The following HBS1L variants were observed in gnomAD, a reference collection of about 807,000 sequenced individuals.
HBS1L encodes HBS1-like protein.
In HBS1L, 55 loss-of-function variants were observed where a neutral mutation model predicts 88.9. The ratio of observed to expected loss-of-function variants is 0.62; its 90% CI spans 0.50 to 0.77. HBS1L has a LOEUF of 0.77. Ranked by LOEUF, HBS1L falls within the 30% of genes least tolerant of loss-of-function variation. The pLI is 0.00. For synonymous variants in HBS1L, 267 were observed against 288.5 expected, an observed-to-expected ratio of 0.93 and a Z score of 0.76; for missense variants, 741 against 829.3, an observed-to-expected ratio of 0.89 and a Z score of 1.31.
rs1774267669 is a variant in HBS1L, at chr6:134,964,941, T to C, written c.*338A>G. 1 of 306,850 alleles carries C rather than the reference T, an allele frequency of 3.3e-6. No individual in the cohort carries two copies. The highest frequency in any genetic ancestry group is 6.0e-6 in the Non-Finnish European group (1 of 165,536). 19.0% of individuals were successfully genotyped at this position (306,850 alleles called of 1,614,324 possible). ...ATCAAAAGAGAAAACTGCAAATACA[T>C]TGTGCTTTGGCCAGAAGTAGAGTTC... On this transcript the variant is annotated 3_prime_UTR_variant, in exon 18 of 18. Transcript: ENST00000367837.
At chr6:134,974,284 A>C (rs1217992437) in intron 15 of HBS1L, among the ~76,000 whole-genome samples, 1 of 152,126 alleles carries the variant, frequency 6.6e-6, no homozygotes. Flanking sequence ...CAACAACAAC[A>C]AAAAAGCTCA....
chr6:134,999,388 A>G (rs1775381139), intron 5 of HBS1L, among the ~76,000 whole-genome samples: 1 of 151,642 alleles, frequency 6.6e-6, no homozygotes, highest in Non-Finnish European at 1.5e-5. Context: ...ATAACATGAA[A>G]GGTTTGTTTT....
chr6:134,978,876 A>T, intron 14 of HBS1L, 89 bp from the exon 15 acceptor site: 1 of 794,718 alleles, frequency 1.3e-6, no homozygotes, highest in Non-Finnish European at 2.1e-6. Context: ...CAAGGAAAGT[A>T]AAACAATTAA....
intron 4 of HBS1L, chr6:135,036,752 G>C (rs969275811): frequency 6.4e-7 from 1 of 1,551,270 alleles, no homozygotes; most frequent in South Asian, 1.2e-5. Context: ...GGGTAACGAA[G>C]ACACAGTGTT....
intron 4 of HBS1L, among the ~76,000 whole-genome samples, chr6:135,026,176 A>G (rs1272176859): frequency 1.3e-5 from 2 of 152,242 alleles, no homozygotes; most frequent in Non-Finnish European, 2.9e-5. Context: ...TAATTGTTTA[A>G]AAGCTAATAA....
rs923984712 is a variant in HBS1L, at chr6:135,023,245, C to T, written c.430+16328G>A. Among the ~76,000 whole-genome samples, 5 of 152,046 alleles carry T rather than the reference C, an allele frequency of 3.3e-5. No individual in the cohort carries two copies. In the East Asian group the frequency reaches 9.6e-4, roughly 29 times the overall value. On this transcript the variant is annotated intron_variant, in intron 4 of 17. Coordinates refer to ENST00000367837, the MANE Select transcript of HBS1L (RefSeq NM_006620.4). Reference sequence around the variant, plus strand: ...AGATCACGAGGTCAGGAGATCGAGACCATCCTGGCTAACACGGTGAAACCC... The same window carrying T: ...AGATCACGAGGTCAGGAGATCGAGATCATCCTGGCTAACACGGTGAAACCC...
chr6:135,024,236 C>G (rs371595137), intron 4 of HBS1L, among the ~76,000 whole-genome samples: 1 of 151,884 alleles, frequency 6.6e-6, no homozygotes, highest in African/African-American at 2.4e-5. Flanking sequence ...GTCAGGAGAT[C>G]CAGACCATCC....
chr6:134,965,541 T>G (rs1190707784), intron 17 of HBS1L, among the ~76,000 whole-genome samples: 1 of 152,262 alleles, frequency 6.6e-6, no homozygotes, highest in Admixed American at 6.5e-5. Flanking sequence ...AGATTAAATG[T>G]GATATTGATG....
intron 5 of HBS1L, among the ~76,000 whole-genome samples, chr6:135,002,380 C>T (rs943371140): frequency 1.3e-4 from 20 of 152,052 alleles, no homozygotes; most frequent in African/African-American, 3.4e-4. Flanking sequence ...TTCCATGATT[C>T]GGGGACTCAC....
At chr6:135,042,184 T>C in intron 2 of HBS1L, 58 bp from the exon 3 acceptor site, 1 of 1,462,550 alleles carries the variant, frequency 6.8e-7, no homozygotes, top group Non-Finnish European at 9.2e-7. Flanking sequence ...TTAACTTTTT[T>C]TTACAAAAGT....
rs36025561 is a variant in HBS1L at position 134,969,305 on chromosome 6, C to T, written c.1831G>A (p.Ala611Thr). The part of the protein sequence containing the change: ...LLHYQTVSEP[A>T]VIKRLISVLN... ...ACACTAATCAATCGTTTAATAACGG[C>T]GGGTTCACTGACAGTTTGGTAGTGT... Residue 611 changes from alanine to threonine, a missense_variant, in exon 16 of 18, where the codon GCC (alanine) becomes ACC (threonine). Physicochemically the swap from Ala to Thr is moderately conservative, Grantham distance 58. Coordinates refer to ENST00000367837, the MANE Select transcript of HBS1L (RefSeq NM_006620.4). 2.8e-4 allele frequency: 451 copies of T among 1,613,424 alleles called. No homozygotes were observed. Among genetic ancestry groups the T allele is most frequent in the Non-Finnish European group, 3.5e-4 (414 of 1,179,606 alleles).
chr6:134,998,330 C>T (rs1183055279), intron 5 of HBS1L, among the ~76,000 whole-genome samples: 1 of 152,214 alleles, frequency 6.6e-6, no homozygotes, highest in African/African-American at 2.4e-5. Flanking sequence ...GACTGCCCAG[C>T]TTAACTTATT....
chr6:135,011,009 T>G (rs1775758145), intron 4 of HBS1L, among the ~76,000 whole-genome samples: 1 of 152,188 alleles, frequency 6.6e-6, no homozygotes, highest in Non-Finnish European at 1.5e-5. Flanking sequence ...ATTCAGTATA[T>G]GCAGAAGTGT....
chr6:134,970,196 G>A (rs1028582708), intron 15 of HBS1L, among the ~76,000 whole-genome samples: 15 of 151,978 alleles, frequency 9.9e-5, no homozygotes, highest in Admixed American at 3.9e-4. Flanking sequence ...GCAGTGGTGC[G>A]ATCTCAGCTC....
chr6:135,050,776 ATT>A, intron 1 of HBS1L, 129 bp from the exon 2 acceptor site: 2 of 612,346 alleles, frequency 3.3e-6, no homozygotes, highest in Non-Finnish European at 5.7e-6. Context: ...TAGAATGTCT[ATT>A]TTCAAAAAAA....
At chr6:135,049,023 A>T (rs1033734689) in intron 2 of HBS1L, among the ~76,000 whole-genome samples, 21 of 152,078 alleles carry the variant, frequency 1.4e-4, no homozygotes, top group African/African-American at 4.8e-4. Context: ...GGCTAAAAAT[A>T]GGATGAAAGC....
Position 134,996,924 on chromosome 6 carries a change from T to C in HBS1L, c.818A>G (p.Lys273Arg). 6.3e-7 allele frequency: 1 copy of C among 1,590,558 alleles called. No individual in the cohort carries two copies. The highest frequency in any genetic ancestry group is 8.5e-7 in the Non-Finnish European group (1 of 1,172,722). Reference protein sequence around the residue: ...LVVIGHVDAGKSTLMGHMLYL... With the variant: ...LVVIGHVDAGRSTLMGHMLYL... ...AAGCATATGGCCCATCAGAGTACTT[T>C]TCCCAGCATCAACATGACCTAAAGA... The change falls in exon 7 of 18, where the codon AAA becomes AGA. Residue 273 changes from lysine to arginine, a missense_variant. Lys to Arg is a conservative substitution (Grantham distance 26). Transcript: ENST00000367837.
chr6:134,996,522 C>G (rs1209576251), intron 7 of HBS1L, among the ~76,000 whole-genome samples: 1 of 152,034 alleles, frequency 6.6e-6, no homozygotes, highest in African/African-American at 2.4e-5. Flanking sequence ...ATGATTTTTA[C>G]TGTTGTTTTT....
chr6:135,051,575 G>A (rs1411313765), intron 1 of HBS1L, among the ~76,000 whole-genome samples: 19 of 152,198 alleles, frequency 1.2e-4, no homozygotes, highest in Admixed American at 1.1e-3. Context: ...AGTCTTCCCT[G>A]ACCACTCTGG....
Sources: allele counts gnomAD v4.1 joint callset (sites outside exome capture counted in the v4.1 genomes callset), GRCh38; gene constraint gnomAD v4.1.1; transcripts MANE v1.5; gene names NCBI Gene and HGNC (gene_info 2026-07-23, HGNC 2026-07-21).